Variants in ITGA8 observed in about 807,000 individuals in gnomAD.
ITGA8 encodes integrin subunit alpha 8, also known as integrin alpha-8.
In ITGA8, 91 loss-of-function variants were observed where a neutral mutation model predicts 142.3. That is an observed-to-expected ratio of 0.64 (90% CI 0.54 to 0.76). The LOEUF is 0.76. ITGA8 is among the 30% of genes least tolerant of loss of function. The pLI, the probability that ITGA8 is intolerant of heterozygous loss-of-function variation, is 0.00. For synonymous variants in ITGA8, 505 were observed against 485.2 expected (o/e 1.04, Z -0.54); for missense variants, 1,406 against 1,327.7 (o/e 1.06, Z -0.92).
intron 6 of ITGA8, among the ~76,000 whole-genome samples, chr10:15,677,216 A>T (rs1834646594): frequency 6.6e-6 from 1 of 152,224 alleles, no homozygotes; most frequent in African/African-American, 2.4e-5. Flanking sequence ...AAGTTCTAAC[A>T]TTCTATAGCA....
At chr10:15,548,686 A>G (rs1467976814) in intron 26 of ITGA8, 118 bp from the exon 27 acceptor site, 3 of 604,350 alleles carry the variant, frequency 5.0e-6, no homozygotes, top group Non-Finnish European at 8.5e-6. Flanking sequence ...TAAATTATTA[A>G]TGTAAATAAA....
intron 13 of ITGA8, among the ~76,000 whole-genome samples, chr10:15,637,806 GT>G (rs5783461): frequency 0.92 from 137,062 of 148,594 alleles, 63,869 homozygotes; most frequent in Non-Finnish European, 0.99. Flanking sequence ...AACTTTAAAA[GT>G]TTTTTTTTTT....
chr10:15,619,338 G>T (rs1215442578), intron 13 of ITGA8, among the ~76,000 whole-genome samples: 1 of 152,150 alleles, frequency 6.6e-6, no homozygotes, highest in Non-Finnish European at 1.5e-5. Context: ...CAAAACCACT[G>T]TCAGATGTCT....
chr10:15,562,453 T>C (rs927977046), intron 25 of ITGA8, among the ~76,000 whole-genome samples: 4 of 152,134 alleles, frequency 2.6e-5, no homozygotes, highest in African/African-American at 9.7e-5. Context: ...CAGGAGGTTA[T>C]GGGGGCTTGT....
At chr10:15,577,338 T>C (rs957251927) in intron 23 of ITGA8, among the ~76,000 whole-genome samples, 1 of 152,102 alleles carries the variant, frequency 6.6e-6, no homozygotes, top group Non-Finnish European at 1.5e-5. Flanking sequence ...CTTCATTTTA[T>C]ACATGAAAGG....
At chr10:15,565,501 A>C (rs1161706695) in intron 25 of ITGA8, among the ~76,000 whole-genome samples, 3 of 151,612 alleles carry the variant, frequency 2.0e-5, no homozygotes, top group African/African-American at 4.8e-5. Context: ...AAGGCTGTCA[A>C]AATGATTCCA....
intron 11 of ITGA8, among the ~76,000 whole-genome samples, chr10:15,650,680 G>C (rs1170019796): frequency 6.6e-6 from 1 of 152,066 alleles, no homozygotes; most frequent in Non-Finnish European, 1.5e-5. Context: ...CAAAAAACAG[G>C]CTAAGCCATG....
intron 23 of ITGA8, 140 bp downstream of exon 23, chr10:15,586,444 A>G (rs1438172020): frequency 7.2e-6 from 4 of 556,184 alleles, no homozygotes; most frequent in Non-Finnish European, 1.3e-5. Flanking sequence ...AATAACGATC[A>G]GTAGAAAAGA....
intron 21 of ITGA8, among the ~76,000 whole-genome samples, chr10:15,593,853 T>G (rs1832965756): frequency 6.6e-6 from 1 of 151,392 alleles, no homozygotes; most frequent in Non-Finnish European, 1.5e-5. Context: ...TTTTTTTTTT[T>G]TTTTTTGAGA....
chr10:15,583,004 A>G (rs867228989), intron 23 of ITGA8, among the ~76,000 whole-genome samples: 1 of 152,254 alleles, frequency 6.6e-6, no homozygotes, highest in Non-Finnish European at 1.5e-5. Context: ...GACAATTCAA[A>G]TGTTCACCAA....
intron 8 of ITGA8, among the ~76,000 whole-genome samples, chr10:15,668,196 G>T (rs1474894874): frequency 6.6e-6 from 1 of 151,936 alleles, no homozygotes; most frequent in Non-Finnish European, 1.5e-5. Flanking sequence ...TATGAATCTG[G>T]GTGCTTCTGT....
At chr10:15,673,848 G>A (rs1487115092) in intron 6 of ITGA8, among the ~76,000 whole-genome samples, 1 of 152,210 alleles carries the variant, frequency 6.6e-6, no homozygotes, top group African/African-American at 2.4e-5. Flanking sequence ...ACTGTCAGAA[G>A]TCTTGAAATA....
Position 15,608,279 on chromosome 10 carries a change from C to T in ITGA8, c.1565G>A (p.Arg522Lys), listed in dbSNP as rs1424172876. The change falls in exon 16 of 30, where the codon AGA (arginine) becomes AAA (lysine). Residue 522 changes from arginine to lysine, a missense_variant. By Grantham distance (26) the Arg-to-Lys change is conservative (BLOSUM62 2). Transcript: ENST00000378076. ...SMTSAACFSL[R>K]VCASVTGQSI... ...CTGGCCTGTGACAGATGCACATACT[C>T]TTAAAGAAAAGCTATAGAAAATAGT... 6.3e-7 allele frequency: 1 copy of T among 1,590,142 alleles called. No individual in the cohort carries two copies. The highest frequency in any genetic ancestry group is 8.5e-7 in the Non-Finnish European group (1 of 1,170,004).
intron 25 of ITGA8, among the ~76,000 whole-genome samples, chr10:15,561,235 G>GTATATATATATATATATATGTA (rs1833974178): frequency 9.8e-6 from 1 of 101,578 alleles, no homozygotes; most frequent in Non-Finnish European, 2.2e-5. Context: ...ATATATATAT[G>GTATATATATATATATATATGTA]TATATATATA....
intron 25 of ITGA8, among the ~76,000 whole-genome samples, chr10:15,559,474 G>C (rs1833938189): frequency 6.6e-6 from 1 of 152,174 alleles, no homozygotes; most frequent in Non-Finnish European, 1.5e-5. Context: ...GAGAGATGAA[G>C]ATAATCTGGA....
chr10:15,613,634 G>T, intron 15 of ITGA8, 26 bp downstream of exon 15: 1 of 1,452,076 alleles, frequency 6.9e-7, no homozygotes, highest in Non-Finnish European at 9.7e-7. Context: ...TCACATTGGA[G>T]TTTGAGAAGC....
At chr10:15,581,862 T>C (rs373607789) in intron 23 of ITGA8, among the ~76,000 whole-genome samples, 1 of 152,126 alleles carries the variant, frequency 6.6e-6, no homozygotes, top group South Asian at 2.1e-4. Context: ...CTCTCACATA[T>C]AATAATGGAT....
Position 15,597,305 on chromosome 10 carries a change from A to G in ITGA8, c.2119-6T>C, listed in dbSNP as rs766469763. ...CAGCTCAGTGGTCGAAATCCCTACAATTGCAAAGAACAGGGGGTTTAGGGG... is the reference window on the plus strand; with the variant it reads ...CAGCTCAGTGGTCGAAATCCCTACAGTTGCAAAGAACAGGGGGTTTAGGGG... On this transcript the variant is annotated splice_polypyrimidine_tract_variant and splice_region_variant and intron_variant, in intron 20 of 29. Coordinates refer to ENST00000378076, the MANE Select transcript of ITGA8 (RefSeq NM_003638.3). The G allele has an allele frequency of 5.0e-6, 8 of 1,611,084 alleles. No homozygotes were observed. Among genetic ancestry groups the G allele is most frequent in the East Asian group, 2.2e-5 (1 of 44,856 alleles).
At chr10:15,623,139 G>T (rs557855830) in intron 13 of ITGA8, among the ~76,000 whole-genome samples, 1 of 151,940 alleles carries the variant, frequency 6.6e-6, no homozygotes, top group Non-Finnish European at 1.5e-5. Context: ...TCAAAGAAAA[G>T]CTAATATTCT....
Sources: gnomAD v4.1 joint callset for allele counts (sites outside exome capture counted in the v4.1 genomes callset) on GRCh38, gnomAD v4.1.1 for gene constraint, MANE v1.5 for transcripts, NCBI Gene and HGNC (gene_info 2026-07-23, HGNC 2026-07-21) for gene names.